DLGAP2: variants seen among roughly 807,000 people sequenced by gnomAD.
DLGAP2 encodes the protein DLG associated protein 2.
Under a neutral mutation model 100.3 loss-of-function variants are expected in DLGAP2, and 26 were observed. The ratio of observed to expected loss-of-function variants is 0.26; its 90% CI spans 0.19 to 0.36. The LOEUF (loss-of-function observed/expected upper bound fraction) is 0.36, where lower values mean the gene tolerates loss of function less well. DLGAP2 is among the 10% of genes least tolerant of loss of function. The pLI, the probability that DLGAP2 is intolerant of heterozygous loss-of-function variation, is 1.00. For synonymous variants in DLGAP2, 886 were observed against 630.1 expected (o/e 1.41, Z -6.08); for missense variants, 1,858 against 1,453.2 (o/e 1.28, Z -4.53).
chr8:1,013,658 A>AGAC lies in DLGAP2; in HGVS notation c.73+105694_73+105696dup, dbSNP rs1554466103. Among the ~76,000 whole-genome samples, 251 of 126,468 alleles carry AGAC rather than the reference A, an allele frequency of 2.0e-3. 4 individuals carry two copies. Among genetic ancestry groups the AGAC allele is most frequent in the African/African-American group, 8.0e-3 (212 of 26,462 alleles). The allele number at this position is 126,468 out of a possible 152,430, so 83.0% of individuals were successfully genotyped here. ...CCTCCACTGTGTGTGTGACCAGGAC[A>AGAC]GACGCCTCCACTGTGTGAGACCAGG... On this transcript the variant is annotated intron_variant, in intron 2 of 14. Coordinates refer to ENST00000637795, the MANE Select transcript of DLGAP2 (RefSeq NM_001346810.2).
chr8:1,477,223 C>A (rs893221815), intron 3 of DLGAP2, among the ~76,000 whole-genome samples: 3 of 152,204 alleles, frequency 2.0e-5, no homozygotes, highest in Non-Finnish European at 2.9e-5. Context: ...GAGATCCCAC[C>A]CACCCTCTTT....
At chr8:1,578,104 G>A (rs578111219) in intron 6 of DLGAP2, among the ~76,000 whole-genome samples, 11 of 152,334 alleles carry the variant, frequency 7.2e-5, no homozygotes, top group African/African-American at 2.6e-4. Context: ...ACAGTGCACT[G>A]AGTGTTTTTC....
At chr8:1,041,351 A>G (rs1210325578) in intron 2 of DLGAP2, among the ~76,000 whole-genome samples, 1 of 152,144 alleles carries the variant, frequency 6.6e-6, no homozygotes, top group Non-Finnish European at 1.5e-5. Flanking sequence ...GTTGGCAGCT[A>G]AAACCTACAT....
chr8:1,480,177 C>T (rs1799052435), intron 3 of DLGAP2, among the ~76,000 whole-genome samples: 1 of 152,222 alleles, frequency 6.6e-6, no homozygotes, highest in Non-Finnish European at 1.5e-5. Context: ...AACATCCCCC[C>T]TCCGCCTGCT....
chr8:1,048,677 T>A (rs548492715), intron 2 of DLGAP2, among the ~76,000 whole-genome samples: 1 of 152,000 alleles, frequency 6.6e-6, no homozygotes, highest in East Asian at 2.0e-4. Flanking sequence ...GTGATGTTGT[T>A]TGAATGAGAA....
intron 3 of DLGAP2, among the ~76,000 whole-genome samples, chr8:1,492,662 C>T (rs1221910633): frequency 1.3e-5 from 2 of 152,234 alleles, no homozygotes; most frequent in Admixed American, 6.5e-5. Context: ...GACCTGACCC[C>T]TCCTCACAGC....
At position 1,190,003 on chromosome 8, in the gene DLGAP2, G is replaced by A. The variant is rs113458457; in HGVS notation, c.74-68848G>A. 8.9e-4 allele frequency among the ~76,000 whole-genome samples: 136 copies of A among 152,268 alleles called. 1 individual carries two copies. The highest frequency in any genetic ancestry group is 3.4e-3 in the Middle Eastern group (1 of 294). ...TAACACCATTAAAAGGAGAACCCCC[G>A]TTTTCTGGAGTTTAAAGGCCCTCCT... On this transcript the variant is annotated intron_variant, in intron 2 of 14. Coordinates refer to ENST00000637795, the MANE Select transcript of DLGAP2 (RefSeq NM_001346810.2).
chr8:832,420 G>C (rs1796800107), intron 1 of DLGAP2, among the ~76,000 whole-genome samples: 1 of 152,106 alleles, frequency 6.6e-6, no homozygotes, highest in African/African-American at 2.4e-5. Context: ...CCAGTTTCCA[G>C]CTGTGACATT....
At chr8:1,100,290 G>A (rs912924781) in intron 2 of DLGAP2, among the ~76,000 whole-genome samples, 1 of 151,400 alleles carries the variant, frequency 6.6e-6, no homozygotes, top group African/African-American at 2.4e-5. Flanking sequence ...CATGTCCACA[G>A]TGTACAGCGT....
At chr8:1,023,369 C>T (rs544809336) in intron 2 of DLGAP2, among the ~76,000 whole-genome samples, 7 of 151,998 alleles carry the variant, frequency 4.6e-5, no homozygotes, top group Non-Finnish European at 8.8e-5. Flanking sequence ...AGGGGGTGTT[C>T]GTTGATGGAT....
intron 1 of DLGAP2, among the ~76,000 whole-genome samples, chr8:819,392 C>T (rs952713218): frequency 6.6e-6 from 1 of 152,156 alleles, no homozygotes; most frequent in Non-Finnish European, 1.5e-5. Context: ...AAGATATGAT[C>T]AGAAACTCAA....
intron 3 of DLGAP2, among the ~76,000 whole-genome samples, chr8:1,417,692 G>GA (rs145476280): frequency 0.051 from 3,486 of 67,896 alleles, 378 homozygotes; most frequent in Non-Finnish European, 0.083. Flanking sequence ...GGGGCACAGG[G>GA]GGCCCCACTC....
At chr8:964,595 G>C (rs187427934) in intron 2 of DLGAP2, among the ~76,000 whole-genome samples, 1 of 152,396 alleles carries the variant, frequency 6.6e-6, no homozygotes, top group African/African-American at 2.4e-5. Flanking sequence ...CGGGAAGCCA[G>C]AGAGCGTGGC....
At position 1,202,010 on chromosome 8, in the gene DLGAP2, CAT is replaced by C. The variant is rs535510870; in HGVS notation, c.74-56840_74-56839del. 2.5e-3 allele frequency among the ~76,000 whole-genome samples: 380 copies of C among 151,328 alleles called. 2 individuals carry two copies. The highest frequency in any genetic ancestry group is 8.6e-3 in the African/African-American group (354 of 41,196). On this transcript the variant is annotated intron_variant, in intron 2 of 14. Transcript: ENST00000637795. ...TGTATATGTGGTGTGTGTGTATACA[CAT>C]GTGTCTATGTACATGTGTGCACATG...
chr8:1,637,759 G>T (rs573105666), intron 8 of DLGAP2, among the ~76,000 whole-genome samples: 29 of 152,342 alleles, frequency 1.9e-4, no homozygotes, highest in African/African-American at 7.0e-4. Flanking sequence ...CTGAGCATTG[G>T]CCCCGAAGGC....
At chr8:1,206,463 G>A (rs13251189) in intron 2 of DLGAP2, among the ~76,000 whole-genome samples, 13 of 149,550 alleles carry the variant, frequency 8.7e-5, no homozygotes, top group East Asian at 2.0e-4. Flanking sequence ...TAGACTGTGA[G>A]TGGTTAATCT....
At chr8:1,227,832 A>T (rs1473295697) in intron 2 of DLGAP2, among the ~76,000 whole-genome samples, 2 of 152,188 alleles carry the variant, frequency 1.3e-5, no homozygotes, top group Non-Finnish European at 2.9e-5. Context: ...ATCATACAAC[A>T]GGAGAATTAT....
intron 2 of DLGAP2, among the ~76,000 whole-genome samples, chr8:1,228,810 A>G (rs1236039683): frequency 6.6e-6 from 1 of 152,188 alleles, no homozygotes; most frequent in Non-Finnish European, 1.5e-5. Context: ...CGAACAACCT[A>G]TAGTTAACAC....
chr8:1,231,380 C>T (rs545405790), intron 2 of DLGAP2, among the ~76,000 whole-genome samples: 1 of 152,262 alleles, frequency 6.6e-6, no homozygotes, highest in South Asian at 2.1e-4. Flanking sequence ...TGCTTATATC[C>T]TGTTTGTGGG....
Sources: allele counts gnomAD v4.1 joint callset (sites outside exome capture counted in the v4.1 genomes callset), GRCh38; gene constraint gnomAD v4.1.1; transcripts MANE v1.5; gene names NCBI Gene and HGNC (gene_info 2026-07-23, HGNC 2026-07-21).